The following NUP98 variants were observed in gnomAD, a reference collection of about 807,000 sequenced individuals.
NUP98 encodes the protein nuclear pore complex protein Nup98-Nup96.
NUP98 carries 26 observed loss-of-function variants against 191.9 expected under a neutral mutation model. The ratio of observed to expected loss-of-function variants is 0.14; its 90% CI spans 0.10 to 0.19. The LOEUF is 0.19. Ranked by LOEUF, NUP98 falls within the 10% of genes least tolerant of loss-of-function variation. The pLI, the probability that NUP98 is intolerant of heterozygous loss-of-function variation, is 1.00. For missense variants in NUP98, 1,941 were observed against 2,178.8 expected (o/e 0.89, Z 2.17); for synonymous variants, 808 against 778.4 (o/e 1.04, Z -0.63).
At chr11:3,727,162 T>C (rs945737390) in intron 14 of NUP98, among the ~76,000 whole-genome samples, 3 of 152,032 alleles carry the variant, frequency 2.0e-5, no homozygotes, top group Non-Finnish European at 4.4e-5. Flanking sequence ...CCAAACTGGG[T>C]AGGGACGCTG....
At chr11:3,790,185 TGAG>T (rs1409172581) in intron 1 of NUP98, among the ~76,000 whole-genome samples, 3 of 152,240 alleles carry the variant, frequency 2.0e-5, no homozygotes, top group Non-Finnish European at 2.9e-5. Flanking sequence ...TAACATTTAC[TGAG>T]GATGAACTGT....
At chr11:3,680,324 T>C (rs937997459) in intron 30 of NUP98, among the ~76,000 whole-genome samples, 1 of 152,176 alleles carries the variant, frequency 6.6e-6, no homozygotes, top group Non-Finnish European at 1.5e-5. Flanking sequence ...TTTCTTTGCT[T>C]GTCTATAAAG....
intron 5 of NUP98, among the ~76,000 whole-genome samples, chr11:3,774,847 A>G (rs1177247732): frequency 1.3e-5 from 2 of 152,222 alleles, no homozygotes; most frequent in African/African-American, 4.8e-5. Flanking sequence ...ATCACACAGT[A>G]TTCTTCACTA....
intron 2 of NUP98, among the ~76,000 whole-genome samples, chr11:3,779,790 A>G (rs192488367): frequency 1.2e-4 from 19 of 152,288 alleles, no homozygotes; most frequent in Non-Finnish European, 2.1e-4. Flanking sequence ...TTTAAAGTCA[A>G]AAGGAGTGAC....
intron 10 of NUP98, among the ~76,000 whole-genome samples, chr11:3,759,391 G>A (rs563184146): frequency 1.6e-4 from 25 of 152,274 alleles, no homozygotes; most frequent in Middle Eastern, 3.4e-3. Flanking sequence ...GAGCTCAGGA[G>A]TTCAAGACGA....
At chr11:3,759,861 C>T (rs1319322837) in intron 10 of NUP98, among the ~76,000 whole-genome samples, 1 of 151,438 alleles carries the variant, frequency 6.6e-6, no homozygotes, top group African/African-American at 2.4e-5. Context: ...TTTTTAGAGA[C>T]CTACTTTCAC....
chr11:3,723,873 T>G (rs1414510696), intron 15 of NUP98, among the ~76,000 whole-genome samples: 1 of 150,552 alleles, frequency 6.6e-6, no homozygotes, highest in Non-Finnish European at 1.5e-5. Flanking sequence ...CAGGAGGCCC[T>G]GAGAACTTGT....
intron 11 of NUP98, among the ~76,000 whole-genome samples, chr11:3,745,163 A>T (rs1449637170): frequency 2.0e-5 from 3 of 152,340 alleles, no homozygotes; most frequent in Non-Finnish European, 4.4e-5. Context: ...AAGAATTTTT[A>T]AAAATTAATT....
intron 19 of NUP98, 117 bp downstream of exon 19, chr11:3,713,701 A>G (rs755395206): frequency 7.1e-6 from 7 of 990,808 alleles, no homozygotes; most frequent in Non-Finnish European, 8.8e-6. Flanking sequence ...CCTGAGCAAC[A>G]GAGCAAGAAC....
intron 16 of NUP98, 45 bp downstream of exon 16, chr11:3,723,112 C>G (rs185861408): frequency 1.9e-6 from 3 of 1,561,460 alleles, no homozygotes; most frequent in Non-Finnish European, 2.6e-6. Flanking sequence ...CAAGTCATCT[C>G]GAATGACTGG....
At chr11:3,765,265 G>A (rs1564902191) in intron 8 of NUP98, among the ~76,000 whole-genome samples, 1 of 152,092 alleles carries the variant, frequency 6.6e-6, no homozygotes, top group Non-Finnish European at 1.5e-5. Context: ...TCATAGCCAC[G>A]ATCATAGTGC....
rs907975981 is a variant in NUP98, at chr11:3,719,888, T to G, written c.2261-338A>C. 4.6e-5 allele frequency among the ~76,000 whole-genome samples: 7 copies of G among 151,818 alleles called. No homozygotes were observed. The South Asian group carries it at 1.2e-3, about 27-fold the overall frequency. ...AATCCTCCCACCTCACCCTCCCAAG[T>G]AGCTGAGACTACAAGCACATATCAT... On this transcript the variant is annotated intron_variant, in intron 17 of 32. Transcript: ENST00000324932.
At chr11:3,764,056 G>A (rs767037955) in intron 8 of NUP98, among the ~76,000 whole-genome samples, 7 of 152,134 alleles carry the variant, frequency 4.6e-5, no homozygotes, top group Non-Finnish European at 8.8e-5. Context: ...GTGATGTTCT[G>A]CAACCATCCC....
intron 20 of NUP98, among the ~76,000 whole-genome samples, chr11:3,709,819 G>T (rs1564829274): frequency 6.2e-5 from 1 of 16,236 alleles, no homozygotes; most frequent in Admixed American, 4.0e-4. Context: ...CTGTTGTGGG[G>T]TGGGGGGAGG....
intron 1 of NUP98, among the ~76,000 whole-genome samples, chr11:3,788,427 A>C (rs1589978871): frequency 6.6e-6 from 1 of 151,732 alleles, no homozygotes; most frequent in Non-Finnish European, 1.5e-5. Context: ...ACATGGTGAA[A>C]CCCCCTGTCT....
At chr11:3,755,301 A>G (rs866013329) in intron 10 of NUP98, among the ~76,000 whole-genome samples, 8 of 151,086 alleles carry the variant, frequency 5.3e-5, no homozygotes, top group Admixed American at 2.6e-4. Flanking sequence ...CTACCACGAA[A>G]AAAAAAAAAA....
chr11:3,726,755 T>TTGGTA (rs1316461396), intron 14 of NUP98, among the ~76,000 whole-genome samples: 1 of 151,934 alleles, frequency 6.6e-6, no homozygotes, highest in Non-Finnish European at 1.5e-5. Flanking sequence ...CATCTGATGT[T>TTGGTA]ACCATCAGAT....
At position 3,723,212 on chromosome 11, in the gene NUP98, T is replaced by C; in HGVS notation, c.2091A>G (p.Ser697=). 1 of 1,614,168 alleles carries C rather than the reference T, an allele frequency of 6.2e-7. No individual in the cohort carries two copies. Among genetic ancestry groups the C allele is most frequent in the African/African-American group, 1.3e-5 (1 of 75,046 alleles). Residue 697 remains serine (S), a synonymous_variant, in exon 16 of 33, where the codon TCA becomes TCG. Transcript: ENST00000324932. ...CTATTTCTTCTCGGTCATCCTGAAG[T>C]GACTCATCATGAAAAGACGTTTCTT... ...SSEETSFHDE[S]LQDDREEIEN... is the part of the protein sequence containing the mutation.
intron 10 of NUP98, 64 bp from the exon 11 acceptor site, chr11:3,753,472 G>A (rs1197614530): frequency 1.6e-6 from 2 of 1,274,938 alleles, no homozygotes; most frequent in African/African-American, 1.5e-5. Context: ...CTCTATAAGG[G>A]AGTTTAACAC....
Sources: gnomAD v4.1 joint callset for allele counts (sites outside exome capture counted in the v4.1 genomes callset) on GRCh38, gnomAD v4.1.1 for gene constraint, MANE v1.5 for transcripts, NCBI Gene and HGNC (gene_info 2026-07-23, HGNC 2026-07-21) for gene names.